The following MID2 variants were observed in gnomAD, a reference collection of about 807,000 sequenced individuals.
The protein encoded by MID2 is midline 2, also known as probable E3 ubiquitin-protein ligase MID2.
MID2 carries 13 observed loss-of-function variants against 46.1 expected under a neutral mutation model. That is an observed-to-expected ratio of 0.28 (90% CI 0.18 to 0.45). The LOEUF (loss-of-function observed/expected upper bound fraction) is 0.45, where lower values mean the gene tolerates loss of function less well. Ranked by LOEUF, MID2 falls within the 20% of genes least tolerant of loss-of-function variation. MID2 has a pLI of 1.00. For missense variants in MID2, 431 were observed against 575.4 expected, an observed-to-expected ratio of 0.75 and a Z score of 2.57; for synonymous variants, 199 against 212.3, an observed-to-expected ratio of 0.94 and a Z score of 0.55.
chrX:107,860,726 A>T (rs1400738132), intron 3 of MID2, among the ~76,000 whole-genome samples: 4 of 112,759 alleles, frequency 3.5e-5, no homozygotes, highest in Non-Finnish European at 7.5e-5. Context: ...CTTAAAGACT[A>T]CAATAATAAG....
chrX:107,892,271 G>A (rs977161405), intron 3 of MID2, among the ~76,000 whole-genome samples: 2 of 112,007 alleles, frequency 1.8e-5, no homozygotes, highest in African/African-American at 6.5e-5. Context: ...GCAGTGAAAA[G>A]GATGGCCTTG....
chrX:107,854,476 A>G (rs939371071), intron 2 of MID2, 133 bp from the exon 3 acceptor site: 24 of 482,281 alleles, frequency 5.0e-5, no homozygotes, highest in South Asian at 3.2e-4. Context: ...GGCTCATGGC[A>G]GATGCTAAAT....
intron 1 of MID2, among the ~76,000 whole-genome samples, chrX:107,833,167 C>A (rs1182419146): frequency 1.8e-5 from 2 of 111,088 alleles, no homozygotes; most frequent in African/African-American, 6.5e-5. Context: ...TTACAATAAT[C>A]CAAGCTGTCT....
chrX:107,900,243 T>G (rs1214725854), intron 3 of MID2, among the ~76,000 whole-genome samples: 2 of 111,364 alleles, frequency 1.8e-5, no homozygotes, highest in African/African-American at 3.3e-5. Flanking sequence ...CAAAATACAC[T>G]CACTGGAGTA....
At chrX:107,881,288 A>C (rs1569466739) in intron 3 of MID2, among the ~76,000 whole-genome samples, 3 of 112,759 alleles carry the variant, frequency 2.7e-5, no homozygotes, top group Admixed American at 9.4e-5. Flanking sequence ...TCCAGTGGGC[A>C]TAGTACCCCT....
chrX:107,931,491 G>C lies in MID2; in HGVS notation c.*4418G>C, dbSNP rs1330634661. 8.9e-6 allele frequency among the ~76,000 whole-genome samples: 1 copy of C among 112,115 alleles called. No homozygotes were observed. The highest frequency in any genetic ancestry group is 1.9e-5 in the Non-Finnish European group (1 of 53,209). ...CAAATGCTTTACCCCACGCCTGTTT[G>C]TATTGGGAGCTCTGGACCAATAGTG... On this transcript the variant is annotated 3_prime_UTR_variant, in exon 10 of 10. Coordinates refer to ENST00000262843, the MANE Select transcript of MID2 (RefSeq NM_012216.4).
chrX:107,829,202 C>T (rs1931036712), intron 1 of MID2, among the ~76,000 whole-genome samples: 1 of 112,097 alleles, frequency 8.9e-6, no homozygotes, highest in African/African-American at 3.2e-5. Context: ...GAAAGCACTT[C>T]CTTTACCTTT....
chrX:107,894,861 G>A (rs865812113), intron 3 of MID2: 34 of 40,717 alleles, frequency 8.4e-4, no homozygotes, highest in African/African-American at 2.2e-3. Context: ...GTGTGTGTGT[G>A]TGTGAAAGAG....
intron 1 of MID2, among the ~76,000 whole-genome samples, chrX:107,830,412 TTAAG>T (rs1190665695): frequency 8.9e-6 from 1 of 111,772 alleles, no homozygotes; most frequent in Non-Finnish European, 1.9e-5. Context: ...CCATTTAGCA[TTAAG>T]TTTTTGTCCT....
At chrX:107,869,821 C>A (rs769160350) in intron 3 of MID2, among the ~76,000 whole-genome samples, 1 of 109,523 alleles carries the variant, frequency 9.1e-6, no homozygotes, top group East Asian at 2.8e-4. Flanking sequence ...ACCATATTGG[C>A]AACCTTATAT....
At position 107,931,339 on chromosome X, in the gene MID2, GC is replaced by G. The variant is rs1933278343; in HGVS notation, c.*4268del. Reference sequence around the variant, plus strand: ...GTATTTGGCTGTGTGTTACAGGTTGGCCAAACTGATTGCCATCAGGTCAGAC... The same window carrying G: ...GTATTTGGCTGTGTGTTACAGGTTGGCAAACTGATTGCCATCAGGTCAGAC... On this transcript the variant is annotated 3_prime_UTR_variant, in exon 10 of 10. Transcript: ENST00000262843. 8.9e-6 allele frequency among the ~76,000 whole-genome samples: 1 copy of G among 112,292 alleles called. No individual in the cohort carries two copies. Among genetic ancestry groups the G allele is most frequent in the Non-Finnish European group, 1.9e-5 (1 of 53,253 alleles).
At chrX:107,879,012 C>T (rs1471496992) in intron 3 of MID2, among the ~76,000 whole-genome samples, 1 of 110,903 alleles carries the variant, frequency 9.0e-6, no homozygotes, top group Non-Finnish European at 1.9e-5. Context: ...CATCACAGGA[C>T]GGGGAGTGCA....
At chrX:107,869,433 T>C (rs966052607) in intron 3 of MID2, among the ~76,000 whole-genome samples, 1 of 111,965 alleles carries the variant, frequency 8.9e-6, no homozygotes, top group Admixed American at 9.5e-5. Context: ...TGTTTCTCCA[T>C]ATTTTTACAT....
chrX:107,859,822 G>A (rs1049794451), intron 3 of MID2, among the ~76,000 whole-genome samples: 7 of 112,198 alleles, frequency 6.2e-5, no homozygotes, highest in East Asian at 2.8e-4. Context: ...GCATGGAGAC[G>A]TTCAGGGAAC....
At chrX:107,898,924 C>T (rs1932768195) in intron 3 of MID2, among the ~76,000 whole-genome samples, 1 of 110,875 alleles carries the variant, frequency 9.0e-6, no homozygotes. Context: ...ATTATTATTG[C>T]ATTTCACTTG....
chrX:107,910,633 T>C (rs1397451440), intron 5 of MID2, among the ~76,000 whole-genome samples: 1 of 104,047 alleles, frequency 9.6e-6, no homozygotes, highest in Non-Finnish European at 2.0e-5. Flanking sequence ...GTATAAGGGT[T>C]CCCTTTTCTC....
At chrX:107,853,326 G>T (rs1308179474) in intron 2 of MID2, among the ~76,000 whole-genome samples, 1 of 110,892 alleles carries the variant, frequency 9.0e-6, no homozygotes. Context: ...TTGAGATAGG[G>T]TCTCACTCTG....
chrX:107,857,833 T>A (rs1192282819), intron 3 of MID2, among the ~76,000 whole-genome samples: 1 of 112,321 alleles, frequency 8.9e-6, no homozygotes, highest in Non-Finnish European at 1.9e-5. Flanking sequence ...CAGATTCATC[T>A]ATAGGGAATG....
chrX:107,859,177 G>C (rs1053076250), intron 3 of MID2, among the ~76,000 whole-genome samples: 1 of 111,618 alleles, frequency 9.0e-6, no homozygotes, highest in Non-Finnish European at 1.9e-5. Context: ...ATGTCTGGCT[G>C]CTTCTCCAAG....
Sources: gnomAD v4.1 joint callset for allele counts (sites outside exome capture counted in the v4.1 genomes callset) on GRCh38, gnomAD v4.1.1 for gene constraint, MANE v1.5 for transcripts, NCBI Gene and HGNC (gene_info 2026-07-23, HGNC 2026-07-21) for gene names.